Variants in WDFY3 observed in about 807,000 individuals in gnomAD.
The protein encoded by WDFY3 is WD repeat and FYVE domain containing 3.
WDFY3 carries 66 observed loss-of-function variants against 409.6 expected under a neutral mutation model. The ratio of observed to expected loss-of-function variants is 0.16; its 90% CI spans 0.13 to 0.20. The LOEUF (loss-of-function observed/expected upper bound fraction) is 0.20, where lower values mean the gene tolerates loss of function less well. Among genes scored for constraint, WDFY3 ranks in the 10% least tolerant of loss-of-function variants. The probability of loss-of-function intolerance (pLI) is 1.00; values close to 1 mark genes in which losing one functional copy is unlikely to be tolerated. For missense variants in WDFY3, 3,031 were observed against 4,298.1 expected (o/e 0.71, Z 8.24); for synonymous variants, 1,521 against 1,537.1 (o/e 0.99, Z 0.25).
rs188056289 is a variant in WDFY3 at position 84,864,322 on chromosome 4, C to T, written c.-31-3700G>A. Among the ~76,000 whole-genome samples, 350 of 143,924 alleles carry T rather than the reference C, an allele frequency of 2.4e-3. 2 individuals carry two copies. The Middle Eastern group carries it at 0.049, about 20-fold the overall frequency. The allele number at this position is 143,924 out of a possible 152,430, so 94.4% of individuals were successfully genotyped here. The stretch of plus-strand genomic sequence containing the variant: ...GCGGAGTTGCAGTGAGCTGAGATGG[C>T]GCCACTGCACTCCAGCCTGGGTGAA... On this transcript the variant is annotated intron_variant, in intron 3 of 67. Transcript: ENST00000295888.
In WDFY3 at chr4:84,836,989, A is replaced by G; in HGVS notation, c.516T>C (p.Gly172=). ...CTGCTAGAGGTAGCTCATTCTGTGC[A>G]CCTCCAACTGCCTCAGGCACATGTG... ...DLPHVPEAVG[G]AQNELPLAER... is the part of the protein sequence containing the mutation. Residue 172 remains glycine, a synonymous_variant, in exon 7 of 68, where the codon GGT becomes GGC. Transcript: ENST00000295888. 6.2e-7 allele frequency: 1 copy of G among 1,600,996 alleles called. No homozygotes were observed. Among genetic ancestry groups the G allele is most frequent in the Non-Finnish European group, 8.5e-7 (1 of 1,173,886 alleles).
intron 3 of WDFY3, among the ~76,000 whole-genome samples, chr4:84,874,258 C>CA (rs2150339990): frequency 6.6e-6 from 1 of 151,870 alleles, no homozygotes; most frequent in Admixed American, 6.5e-5. Context: ...ACTAAAAATA[C>CA]AAAAATTACC....
intron 58 of WDFY3, 62 bp downstream of exon 58, chr4:84,695,908 A>G: frequency 6.8e-7 from 1 of 1,477,544 alleles, no homozygotes; most frequent in East Asian, 2.3e-5. Context: ...GTAATCTACA[A>G]TCTAGAGAAA....
Position 84,682,402 on chromosome 4 carries a change from C to A in WDFY3, c.9795G>T (p.Met3265Ile). The A allele has an allele frequency of 6.2e-7, 1 of 1,613,974 alleles. No homozygotes were observed. Among genetic ancestry groups the A allele is most frequent in the Non-Finnish European group, 8.5e-7 (1 of 1,180,002 alleles). Residue 3265 changes from methionine (M) to isoleucine (I), a missense_variant, in exon 64 of 68, where the codon ATG (methionine) becomes ATT (isoleucine). By Grantham distance (10) the Met-to-Ile change is conservative. Around this residue, in one of 16 missense-constraint regions of WDFY3, gnomAD observed 378 missense variants for 477.3 expected, o/e 0.79. Transcript: ENST00000295888. ...TTTGTGCTTCTGGACAGTCTTCCTG[C>A]ATTTCTAGGACTTCAGCAGGCTCAG... ...PAPEPAEVLE[M>I]QEDCPEAQIG...
At chr4:84,679,955 A>G (rs1727074325) in intron 64 of WDFY3, among the ~76,000 whole-genome samples, 1 of 151,626 alleles carries the variant, frequency 6.6e-6, no homozygotes, top group Non-Finnish European at 1.5e-5. Flanking sequence ...CAGTGGCATG[A>G]TCTTGGCTCA....
Position 84,756,953 on chromosome 4 carries a change from G to T in WDFY3, c.5397C>A (p.Ile1799=), listed in dbSNP as rs760336630. 1.2e-6 allele frequency: 2 copies of T among 1,614,034 alleles called. No individual in the cohort carries two copies. The highest frequency in any genetic ancestry group is 2.2e-5 in the South Asian group (2 of 91,080). The change falls in exon 33 of 68, where the codon ATC becomes ATA. Residue 1799 remains isoleucine, a synonymous_variant. Transcript: ENST00000295888. ...GGCAACCCTGCTTACTCCGGCAGCT[G>T]ATGACAGGCACACTGACCTGCAGGT... ...PENLQVSVPV[I]SCRSKQGCQF...
At chr4:84,755,549 T>C (rs1158889977) in intron 33 of WDFY3, 149 bp from the exon 34 acceptor site, 6 of 838,436 alleles carry the variant, frequency 7.2e-6, no homozygotes, top group Non-Finnish European at 1.1e-5. Context: ...ACTAGTACCC[T>C]TCCATCCTAC....
chr4:84,845,486 C>A lies in WDFY3; in HGVS notation c.305-4223G>T, dbSNP rs1257669778. ...TTTCAGTCATGTAAGACACAAAAAGCTCTAGAGATCTGCTGTACAGCATGG... is the reference window on the plus strand; with the variant it reads ...TTTCAGTCATGTAAGACACAAAAAGATCTAGAGATCTGCTGTACAGCATGG... On this transcript the variant is annotated intron_variant, in intron 5 of 67. Coordinates refer to ENST00000295888, the MANE Select transcript of WDFY3 (RefSeq NM_014991.6). Among the ~76,000 whole-genome samples, 7 of 152,196 alleles carry A rather than the reference C, an allele frequency of 4.6e-5. No homozygotes were observed. The East Asian group carries it at 1.4e-3, about 29-fold the overall frequency.
chr4:84,803,208 A>G, intron 16 of WDFY3, 82 bp downstream of exon 16: 1 of 1,372,598 alleles, frequency 7.3e-7, no homozygotes, highest in African/African-American at 1.5e-5. Context: ...TTCTTCCTCA[A>G]CCCCCTAGCT....
At chr4:84,757,588 A>AT (rs1168417654) in intron 32 of WDFY3, among the ~76,000 whole-genome samples, 1 of 152,038 alleles carries the variant, frequency 6.6e-6, no homozygotes, top group East Asian at 1.9e-4. Flanking sequence ...ATATATTTTT[A>AT]TTTTTTTGAG....
intron 6 of WDFY3, among the ~76,000 whole-genome samples, chr4:84,839,844 CAG>C (rs1364612483): frequency 6.7e-6 from 1 of 149,764 alleles, no homozygotes; most frequent in Non-Finnish European, 1.5e-5. Context: ...GGCTGGGTGA[CAG>C]AGCAAGAGTC....
At position 84,786,026 on chromosome 4, in the gene WDFY3, T is replaced by C. The variant is rs1009447688; in HGVS notation, c.4015A>G (p.Ile1339Val). The C allele has an allele frequency of 6.2e-7, 1 of 1,613,930 alleles. No homozygotes were observed. Among genetic ancestry groups the C allele is most frequent in the African/African-American group, 1.3e-5 (1 of 75,020 alleles). ...LSVSSLTVAR[I>V]RKVYNKLDSK... ...TCCAATTTGTTATACACTTTCCGGA[T>C]TCTTGCCACTGTTAGAGACGACACA... Residue 1339 changes from isoleucine to valine, a missense_variant, in exon 24 of 68, where the codon ATC (isoleucine) becomes GTC (valine). Around this residue, in one of 16 missense-constraint regions of WDFY3, gnomAD observed 1,322 missense variants for 1,697.9 expected, o/e 0.78. Coordinates refer to ENST00000295888, the MANE Select transcript of WDFY3 (RefSeq NM_014991.6).
chr4:84,933,090 C>T (rs1770974395), intron 1 of WDFY3, among the ~76,000 whole-genome samples: 1 of 152,132 alleles, frequency 6.6e-6, no homozygotes, highest in Non-Finnish European at 1.5e-5. Context: ...GGACTAATTC[C>T]TAGGGGCCTT....
intron 2 of WDFY3, among the ~76,000 whole-genome samples, chr4:84,915,214 T>C (rs1768322368): frequency 6.6e-6 from 1 of 152,208 alleles, no homozygotes. Context: ...ACAGAGCTTC[T>C]GTTTCAGATG....
intron 42 of WDFY3, among the ~76,000 whole-genome samples, chr4:84,735,427 G>A (rs1226556057): frequency 2.0e-5 from 3 of 152,112 alleles, no homozygotes; most frequent in African/African-American, 7.2e-5. Context: ...CAACGATCTA[G>A]GGGTAAGAAG....
At chr4:84,873,859 T>C (rs1560975633) in intron 3 of WDFY3, among the ~76,000 whole-genome samples, 1 of 151,862 alleles carries the variant, frequency 6.6e-6, no homozygotes, top group Non-Finnish European at 1.5e-5. Flanking sequence ...CAGGGCTCAG[T>C]GTAGCCTCAA....
At chr4:84,706,500 C>G (rs1044606606) in intron 53 of WDFY3, among the ~76,000 whole-genome samples, 1 of 122,002 alleles carries the variant, frequency 8.2e-6, no homozygotes, top group African/African-American at 3.1e-5. Context: ...TAGGGTCAAA[C>G]AAATAGCAGG....
intron 18 of WDFY3, among the ~76,000 whole-genome samples, chr4:84,797,557 CTTATTTATTTAT>C (rs71670883): frequency 4.5e-4 from 66 of 145,710 alleles, no homozygotes; most frequent in East Asian, 1.8e-3. Context: ...CAACTCAATT[CTTATTTATTTAT>C]TTATTTATTT....
chr4:84,868,893 G>T (rs1159224403), intron 3 of WDFY3, among the ~76,000 whole-genome samples: 3 of 152,140 alleles, frequency 2.0e-5, no homozygotes, highest in African/African-American at 7.2e-5. Context: ...ATAAACTTTG[G>T]AAGGCTGACC....
Sources: allele counts gnomAD v4.1 joint callset (sites outside exome capture counted in the v4.1 genomes callset), GRCh38; gene constraint gnomAD v4.1.1; regional missense constraint gnomAD v4.1.1; transcripts MANE v1.5; gene names NCBI Gene and HGNC (gene_info 2026-07-23, HGNC 2026-07-21).